Variants in ANKRD27 observed in about 807,000 individuals in gnomAD.
ANKRD27 encodes the protein ankyrin repeat domain-containing protein 27.
In ANKRD27, 112 loss-of-function variants were observed where a neutral mutation model predicts 129.7. The ratio of observed to expected loss-of-function variants is 0.86; its 90% CI spans 0.74 to 1.01. ANKRD27 has a LOEUF of 1.01. Among genes scored for constraint, ANKRD27 ranks in the 50% least tolerant of loss-of-function variants. The pLI is 0.00. For synonymous variants in ANKRD27, 516 were observed against 511.2 expected (o/e 1.01, Z -0.13); for missense variants, 1,258 against 1,300.5 (o/e 0.97, Z 0.50).
intron 5 of ANKRD27, 61 bp downstream of exon 5, chr19:32,644,264 C>T: frequency 6.4e-7 from 1 of 1,570,932 alleles, no homozygotes. Context: ...CTGAGGGCTC[C>T]CAGCACCCTG....
At chr19:32,638,545 T>C (rs901126156) in intron 12 of ANKRD27, 2 of 152,364 alleles carry the variant, frequency 1.3e-5, no homozygotes, top group African/African-American at 2.4e-5. Context: ...ACTCACTACA[T>C]TGCAGGTGAC....
At chr19:32,615,579 G>A (rs1159679431) in intron 22 of ANKRD27, 79 bp downstream of exon 22, 1 of 1,610,746 alleles carries the variant, frequency 6.2e-7, no homozygotes, top group African/African-American at 1.3e-5. Flanking sequence ...ACGAGACCCT[G>A]TCTCAAAAAA....
At chr19:32,650,811 G>A (rs1319198234) in intron 2 of ANKRD27, among the ~76,000 whole-genome samples, 10 of 148,538 alleles carry the variant, frequency 6.7e-5, no homozygotes, top group South Asian at 4.3e-4. Context: ...GTGCAGTGGC[G>A]CAATCATAGC....
intron 18 of ANKRD27, among the ~76,000 whole-genome samples, chr19:32,620,821 G>A (rs1415288403): frequency 2.7e-5 from 4 of 147,270 alleles, no homozygotes; most frequent in African/African-American, 5.1e-5. Flanking sequence ...AGGAGGCAGA[G>A]GTTGCAGTAA....
intron 12 of ANKRD27, 42 bp from the exon 13 acceptor site, chr19:32,631,536 G>C (rs763699578): frequency 6.4e-7 from 1 of 1,552,418 alleles, no homozygotes; most frequent in Admixed American, 1.7e-5. Flanking sequence ...TGTCAGTGCA[G>C]ATCCTTCAAA....
intron 2 of ANKRD27, among the ~76,000 whole-genome samples, chr19:32,656,354 G>C (rs1445308513): frequency 6.6e-6 from 1 of 152,168 alleles, no homozygotes; most frequent in African/African-American, 2.4e-5. Context: ...CCCGCAGTAC[G>C]GCCAGGCCCT....
chr19:32,673,579 G>A (rs928650251), intron 1 of ANKRD27: 1 of 425,932 alleles, frequency 2.3e-6, no homozygotes. Context: ...TTCCCCCGAA[G>A]GGAAAGAGTA....
In ANKRD27 at chr19:32,597,517, AATG is replaced by A. The variant is rs1459477967; in HGVS notation, c.*625_*627del. 1 of 153,606 alleles carries A rather than the reference AATG, an allele frequency of 6.5e-6. No homozygotes were observed. The highest frequency in any genetic ancestry group is 6.5e-5 in the Admixed American group (1 of 15,494). 9.5% of individuals were successfully genotyped at this position (153,606 alleles called of 1,614,324 possible). ...ATCTGTACCTACTTGTTAGAAGGAA[AATG>A]ATAACCACCCTTTCCCATGTGCATG... On this transcript the variant is annotated 3_prime_UTR_variant, in exon 29 of 29. Transcript: ENST00000306065.
intron 21 of ANKRD27, 63 bp from the exon 22 acceptor site, chr19:32,615,843 TA>T: frequency 6.4e-7 from 1 of 1,572,308 alleles, no homozygotes; most frequent in Admixed American, 1.8e-5. Context: ...CACAATATCT[TA>T]AACACACACC....
At chr19:32,622,703 G>C (rs138974880) in intron 17 of ANKRD27, 84 bp from the exon 18 acceptor site, 24,660 of 1,267,418 alleles carry the variant, frequency 0.019, 308 homozygotes, top group Middle Eastern at 0.033. Flanking sequence ...TCCTCACCAA[G>C]CAAATGTGCA....
chr19:32,599,853 AT>A, intron 27 of ANKRD27, 77 bp from the exon 28 acceptor site: 1 of 1,538,068 alleles, frequency 6.5e-7, no homozygotes, highest in Non-Finnish European at 8.9e-7. Flanking sequence ...AGGTGGCAGC[AT>A]TTTTGACATT....
chr19:32,643,885 C>G, intron 5 of ANKRD27: 1 of 476,834 alleles, frequency 2.1e-6, no homozygotes, highest in Non-Finnish European at 3.8e-6. Flanking sequence ...TTTGTTTTTT[C>G]TTTTTAAGAG....
rs1191934036 is a variant in ANKRD27, at chr19:32,619,571, A to C, written c.1828-18T>G. The stretch of plus-strand genomic sequence containing the variant: ...GACAGAATCTAGGGGGACAAGGGGG[A>C]TGCCAACAGTACCCCGTGAGATGGG... On this transcript the variant is annotated intron_variant, in intron 18 of 28. Coordinates refer to ENST00000306065, the MANE Select transcript of ANKRD27 (RefSeq NM_032139.3). The C allele has an allele frequency of 6.2e-7, 1 of 1,613,748 alleles. No individual in the cohort carries two copies. The highest frequency in any genetic ancestry group is 1.3e-5 in the African/African-American group (1 of 74,898).
intron 14 of ANKRD27, 87 bp from the exon 15 acceptor site, chr19:32,628,252 G>T: frequency 1.8e-6 from 2 of 1,124,766 alleles, no homozygotes; most frequent in Non-Finnish European, 2.6e-6. Context: ...AGGTACCACA[G>T]ACAGAAGGCG....
intron 16 of ANKRD27, 29 bp from the exon 17 acceptor site, chr19:32,625,995 G>T (rs377112180): frequency 7.7e-6 from 12 of 1,558,738 alleles, no homozygotes; most frequent in South Asian, 1.2e-5. Context: ...GCGATGAGCA[G>T]GGCACAGCCG....
intron 1 of ANKRD27, among the ~76,000 whole-genome samples, chr19:32,674,660 G>C (rs1340829174): frequency 6.6e-6 from 1 of 151,770 alleles, no homozygotes; most frequent in Non-Finnish European, 1.5e-5. Context: ...TGCGCGCGCG[G>C]CTCGGACCCC....
chr19:32,656,103 G>GAAAGAAAGAAAGGA (rs1555747136), intron 2 of ANKRD27, among the ~76,000 whole-genome samples: 4 of 123,696 alleles, frequency 3.2e-5, no homozygotes, highest in South Asian at 2.7e-4. Flanking sequence ...AAGAAAGAAA[G>GAAAGAAAGAAAGGA]AAAGAAAAGA....
At chr19:32,649,435 G>A (rs901811581) in intron 3 of ANKRD27, among the ~76,000 whole-genome samples, 7 of 151,708 alleles carry the variant, frequency 4.6e-5, no homozygotes, top group Non-Finnish European at 7.4e-5. Flanking sequence ...ACCCCATCAC[G>A]GGATCAGAGA....
intron 22 of ANKRD27, among the ~76,000 whole-genome samples, chr19:32,612,682 A>G (rs902067946): frequency 2.0e-5 from 3 of 152,222 alleles, no homozygotes; most frequent in Admixed American, 6.5e-5. Flanking sequence ...GTGCAAAGGC[A>G]AGTCACGGGA....
Sources: gnomAD v4.1 joint callset for allele counts (sites outside exome capture counted in the v4.1 genomes callset) on GRCh38, gnomAD v4.1.1 for gene constraint, MANE v1.5 for transcripts, NCBI Gene and HGNC (gene_info 2026-07-23, HGNC 2026-07-21) for gene names.